C12orf42: variants seen among roughly 807,000 people sequenced by gnomAD.
C12orf42 encodes uncharacterized protein C12orf42.
Under a neutral mutation model 21.6 loss-of-function variants are expected in C12orf42, and 25 were observed. The observed-to-expected ratio is 1.16, with a 90% confidence interval of 0.84 to 1.62. C12orf42 has a LOEUF of 1.62. C12orf42 is among the 40% of genes most tolerant of loss of function. The probability of loss-of-function intolerance (pLI) is 0.00; values close to 1 mark genes in which losing one functional copy is unlikely to be tolerated. For synonymous variants in C12orf42, 174 were observed against 175.0 expected, an observed-to-expected ratio of 0.99 and a Z score of 0.05; for missense variants, 483 against 459.3, an observed-to-expected ratio of 1.05 and a Z score of -0.47.
At chr12:103,066,556 C>T in the C12orf42 span, among the ~76,000 whole-genome samples, 4 of 152,212 alleles carry the variant, frequency 2.6e-5, no homozygotes, top group African/African-American at 7.2e-5. Flanking sequence ...CTTTCTAGGA[C>T]ATCCTTGAAG....
At chr12:103,497,667 C>G (rs988349535), upstream of C12orf42, among the ~76,000 whole-genome samples, 1 of 152,150 alleles carries the variant, frequency 6.6e-6, no homozygotes, top group Non-Finnish European at 1.5e-5. Flanking sequence ...GTACCTATCA[C>G]GTGTCAGGCA....
chr12:103,343,685 A>G (rs751912975), intron 4 of C12orf42, among the ~76,000 whole-genome samples: 3 of 151,662 alleles, frequency 2.0e-5, no homozygotes, highest in Non-Finnish European at 4.4e-5. Context: ...GAGGCAGAAG[A>G]ATCGCTTGAA....
At chr12:103,507,108 TAAA>T in the C12orf42 span, among the ~76,000 whole-genome samples, 264 of 16,220 alleles carry the variant, frequency 0.016, 50 homozygotes, top group African/African-American at 0.16. Flanking sequence ...ATATATAATA[TAAA>T]TATATATTTA....
intron 10 of C12orf42, among the ~76,000 whole-genome samples, chr12:103,255,637 C>A (rs1012810108): frequency 2.0e-5 from 3 of 151,714 alleles, no homozygotes; most frequent in African/African-American, 7.3e-5. Flanking sequence ...TTTTAAGGAC[C>A]ATTTAGTCTA....
chr12:103,432,474 C>G (rs1003223601), intron 2 of C12orf42, among the ~76,000 whole-genome samples: 1 of 152,248 alleles, frequency 6.6e-6, no homozygotes, highest in African/African-American at 2.4e-5. Flanking sequence ...CATTAATAAA[C>G]ACTTTCTAGA....
At chr12:103,256,119 C>CACACACA (rs1261444560) in intron 10 of C12orf42, among the ~76,000 whole-genome samples, 3 of 50,114 alleles carry the variant, frequency 6.0e-5, no homozygotes, top group Non-Finnish European at 1.2e-4. Flanking sequence ...TATACACACA[C>CACACACA]ACACACACAC....
the C12orf42 span, chr12:103,155,212 C>G: frequency 1.3e-5 from 2 of 152,158 alleles, no homozygotes; most frequent in African/African-American, 4.8e-5. Flanking sequence ...AGTAATTTAT[C>G]TTTTCCCCAG....
At chr12:103,372,810 G>A (rs947357506) in intron 3 of C12orf42, among the ~76,000 whole-genome samples, 2 of 152,110 alleles carry the variant, frequency 1.3e-5, no homozygotes, top group Non-Finnish European at 2.9e-5. Context: ...CCAGTGCCTA[G>A]CACAGTCCCT....
chr12:103,132,050 G>A, the C12orf42 span, among the ~76,000 whole-genome samples: 3 of 152,128 alleles, frequency 2.0e-5, no homozygotes, highest in African/African-American at 4.8e-5. Context: ...TGAGTTAGAC[G>A]TATATGTTTC....
At chr12:103,197,598 G>A in the C12orf42 span, among the ~76,000 whole-genome samples, 14,314 of 152,142 alleles carry the variant, frequency 0.094, 828 homozygotes, top group East Asian at 0.2. Context: ...AATAATTGCT[G>A]GAGAGCTAGT....
intron 10 of C12orf42, among the ~76,000 whole-genome samples, chr12:103,243,586 T>C (rs2136174518): frequency 6.6e-6 from 1 of 152,288 alleles, no homozygotes; most frequent in African/African-American, 2.4e-5. Flanking sequence ...GGCATATTAA[T>C]ATTATAATTA....
the C12orf42 span, among the ~76,000 whole-genome samples, chr12:103,203,433 T>C: frequency 6.6e-6 from 1 of 152,330 alleles, no homozygotes; most frequent in Non-Finnish European, 1.5e-5. Flanking sequence ...TTTGAGTGTT[T>C]ATTGAAGCCA....
the C12orf42 span, among the ~76,000 whole-genome samples, chr12:103,218,715 A>T: frequency 6.6e-6 from 1 of 152,228 alleles, no homozygotes; most frequent in African/African-American, 2.4e-5. Flanking sequence ...TCTCTGTTAC[A>T]TGCACTAATA....
chr12:103,222,314 G>A, the C12orf42 span, among the ~76,000 whole-genome samples: 1 of 148,448 alleles, frequency 6.7e-6, no homozygotes, highest in East Asian at 1.9e-4. Flanking sequence ...GGCAGGAGTG[G>A]GGGGTTGCAA....
intron 4 of C12orf42, among the ~76,000 whole-genome samples, chr12:103,278,400 A>G (rs2035906616): frequency 1.3e-5 from 2 of 152,244 alleles, no homozygotes; most frequent in Non-Finnish European, 2.9e-5. Context: ...AAAAAAGCCC[A>G]AGAGTGTAAT....
chr12:103,385,012 A>G (rs2046487732), intron 3 of C12orf42, among the ~76,000 whole-genome samples: 1 of 152,200 alleles, frequency 6.6e-6, no homozygotes, highest in Non-Finnish European at 1.5e-5. Context: ...CTAAGTACCA[A>G]TAATTTCAGG....
chr12:103,117,397 T>A, the C12orf42 span, among the ~76,000 whole-genome samples: 1 of 152,232 alleles, frequency 6.6e-6, no homozygotes, highest in Non-Finnish European at 1.5e-5. Context: ...TAGCCCTTTT[T>A]GCCATGAGAA....
chr12:103,329,049 C>T (rs143846352), intron 4 of C12orf42, among the ~76,000 whole-genome samples: 65 of 151,982 alleles, frequency 4.3e-4, no homozygotes, highest in African/African-American at 1.3e-3. Flanking sequence ...CAGTGATAAG[C>T]GCAGGGATGC....
At chr12:103,058,515 A>C in the C12orf42 span, among the ~76,000 whole-genome samples, 1 of 152,200 alleles carries the variant, frequency 6.6e-6, no homozygotes, top group African/African-American at 2.4e-5. Flanking sequence ...TCTCCACCAC[A>C]AATCAACAGA....
Sources: gnomAD v4.1 joint callset for allele counts (sites outside exome capture counted in the v4.1 genomes callset) on GRCh38, gnomAD v4.1.1 for gene constraint, MANE v1.5 for transcripts, NCBI Gene and HGNC (gene_info 2026-07-23, HGNC 2026-07-21) for gene names.